Variants in CTBP2 observed in about 807,000 individuals in gnomAD.
CTBP2 encodes the protein C-terminal-binding protein 2.
Under a neutral mutation model 80.3 loss-of-function variants are expected in CTBP2, and 30 were observed. That is an observed-to-expected ratio of 0.37 (90% CI 0.28 to 0.51). The LOEUF (loss-of-function observed/expected upper bound fraction) is 0.51, where lower values mean the gene tolerates loss of function less well. Among genes scored for constraint, CTBP2 ranks in the 20% least tolerant of loss-of-function variants. CTBP2 has a pLI of 0.93. For missense variants in CTBP2, 1,212 were observed against 1,375.3 expected, an observed-to-expected ratio of 0.88 and a Z score of 1.88; for synonymous variants, 594 against 587.4, an observed-to-expected ratio of 1.01 and a Z score of -0.16.
chr10:125,038,957 A>AC, intron 3 of CTBP2, 40 bp downstream of exon 3: 1 of 1,600,448 alleles, frequency 6.2e-7, no homozygotes, highest in Non-Finnish European at 8.5e-7. Context: ...TGAGTGAGGG[A>AC]CTACGTATGT....
rs201365198 is a variant in CTBP2 at position 125,027,593 on chromosome 10, C to T, written c.167G>A (p.Arg56Gln). 2.8e-5 allele frequency: 45 copies of T among 1,613,920 alleles called. No individual in the cohort carries two copies. Among genetic ancestry groups the T allele is most frequent in the Middle Eastern group, 1.6e-4 (1 of 6,084 alleles). Residue 56 changes from arginine (R) to glutamine (Q), a missense_variant, in exon 1 of 9, where the codon CGA (arginine) becomes CAA (glutamine). Transcript: ENST00000309035. Reference sequence around the variant, plus strand: ...CACGGGCAGGGCAGCGTCCTGTGGTCGGTGGTTTGGCTCAAACCAAGTCCC... The same window carrying T: ...CACGGGCAGGGCAGCGTCCTGTGGTTGGTGGTTTGGCTCAAACCAAGTCCC...
At chr10:125,136,232 G>A (rs1044716805) in intron 1 of CTBP2, among the ~76,000 whole-genome samples, 26 of 152,192 alleles carry the variant, frequency 1.7e-4, no homozygotes, top group African/African-American at 6.0e-4. Flanking sequence ...AGCTGGGAGG[G>A]AGGCCCAGGC....
At chr10:125,139,446 A>T (rs1857453891) in intron 1 of CTBP2, among the ~76,000 whole-genome samples, 1 of 150,990 alleles carries the variant, frequency 6.6e-6, no homozygotes, top group African/African-American at 2.4e-5. Flanking sequence ...TATTTCTAAT[A>T]TTCTTGAATG....
At chr10:125,039,218 A>C (rs903436268) in intron 2 of CTBP2, 63 bp from the exon 3 acceptor site, 160 of 568,668 alleles carry the variant, frequency 2.8e-4, no homozygotes, top group East Asian at 4.0e-4. Context: ...ACAACAGCTC[A>C]CTGGGGACTT....
At chr10:125,083,055 G>T (rs1847418245) in intron 2 of CTBP2, among the ~76,000 whole-genome samples, 1 of 152,138 alleles carries the variant, frequency 6.6e-6, no homozygotes, top group Admixed American at 6.5e-5. Flanking sequence ...CATCTCTCTG[G>T]GGGGTTGGTC....
chr10:125,097,724 T>C (rs1232368986), intron 2 of CTBP2, among the ~76,000 whole-genome samples: 1 of 151,982 alleles, frequency 6.6e-6, no homozygotes, highest in African/African-American at 2.4e-5. Flanking sequence ...TTCAGATGAA[T>C]AGGTGAGGGG....
intron 1 of CTBP2, among the ~76,000 whole-genome samples, chr10:125,011,993 C>T (rs1316792313): frequency 6.6e-6 from 1 of 152,214 alleles, no homozygotes; most frequent in Non-Finnish European, 1.5e-5. Context: ...GTGCCATCCA[C>T]CCGGGGCAGA....
At chr10:125,009,334 G>A (rs958003391) in intron 1 of CTBP2, among the ~76,000 whole-genome samples, 5 of 152,156 alleles carry the variant, frequency 3.3e-5, no homozygotes, top group Non-Finnish European at 7.3e-5. Context: ...CTAAGCAGCC[G>A]GTGTGGCTCC....
chr10:125,012,336 C>T (rs541317793), intron 1 of CTBP2, among the ~76,000 whole-genome samples: 54 of 152,308 alleles, frequency 3.5e-4, no homozygotes, highest in African/African-American at 1.3e-3. Flanking sequence ...CCTCCTGCTT[C>T]CCAACACGGG....
rs1422824526 is a variant in CTBP2, at chr10:124,998,125, G to A, written c.2024C>T (p.Ala675Val). ...GAGGATGTGGCAGATGGTAGAGTCC[G>A]CTGTCTCTTCCACGGCTGCAGACGG... Residue 675 changes from alanine (A) to valine (V), a missense_variant, in exon 4 of 9, where the codon GCG (alanine) becomes GTG (valine). Coordinates refer to ENST00000309035, the MANE Select transcript of CTBP2 (RefSeq NM_022802.3). 4 of 1,611,740 alleles carry A rather than the reference G, an allele frequency of 2.5e-6. No homozygotes were observed. Among genetic ancestry groups the A allele is most frequent in the Admixed American group, 3.4e-5 (2 of 59,682 alleles).
chr10:125,157,560 C>T (rs11815494), intron 1 of CTBP2, among the ~76,000 whole-genome samples: 1 of 152,062 alleles, frequency 6.6e-6, no homozygotes, highest in Non-Finnish European at 1.5e-5. Context: ...ACTGGGGTCC[C>T]CTACCCCTGG....
chr10:125,036,684 T>TGTGA, intron 3 of CTBP2, among the ~76,000 whole-genome samples: 1 of 100,550 alleles, frequency 9.9e-6, no homozygotes, highest in East Asian at 2.2e-4. Flanking sequence ...TGTGTGTGTG[T>TGTGA]GTGTGTGTGT....
intron 1 of CTBP2, among the ~76,000 whole-genome samples, chr10:125,125,756 C>T (rs753105710): frequency 7.9e-5 from 12 of 152,144 alleles, no homozygotes; most frequent in African/African-American, 1.7e-4. Flanking sequence ...GTAGCAGAGA[C>T]GACATCCAGC....
intron 1 of CTBP2, among the ~76,000 whole-genome samples, chr10:125,127,361 C>T (rs1347815312): frequency 6.6e-6 from 1 of 152,210 alleles, no homozygotes; most frequent in East Asian, 1.9e-4. Context: ...CCACTGTCCA[C>T]CTGCACATCT....
rs1295217819 is a variant in CTBP2 at position 124,986,287 on chromosome 10, GCGCGCACACA to G, written c.*3221_*3230del. The stretch of plus-strand genomic sequence containing the variant: ...GGAAAGACGACACACGCACGCGCGC[GCGCGCACACA>G]CACACACACACACACACACACACAC... On this transcript the variant is annotated 3_prime_UTR_variant, in exon 9 of 9. Transcript: ENST00000309035. 22 of 73,094 alleles carry G rather than the reference GCGCGCACACA, an allele frequency of 3.0e-4. No individual in the cohort carries two copies. The highest frequency in any genetic ancestry group is 1.3e-3 in the Admixed American group (9 of 6,944). The allele number at this position is 73,094 out of a possible 1,614,324, so 4.5% of individuals were successfully genotyped here.
At chr10:125,138,591 C>G (rs932888763) in intron 1 of CTBP2, among the ~76,000 whole-genome samples, 1 of 151,306 alleles carries the variant, frequency 6.6e-6, no homozygotes, top group Non-Finnish European at 1.5e-5. Context: ...TTGGAAAGAG[C>G]CGCTGTAATC....
chr10:125,158,989 C>T (rs1486751467), intron 1 of CTBP2, among the ~76,000 whole-genome samples: 3 of 151,556 alleles, frequency 2.0e-5, no homozygotes, highest in South Asian at 2.1e-4. Flanking sequence ...CCCCAGGGCG[C>T]GGCGTGGGCT....
chr10:125,013,583 G>C (rs1956157828), intron 1 of CTBP2, among the ~76,000 whole-genome samples: 1 of 152,176 alleles, frequency 6.6e-6, no homozygotes, highest in African/African-American at 2.4e-5. Context: ...CATGACCATG[G>C]AATACAGCCT....
chr10:125,132,881 C>T (rs1426459919), intron 1 of CTBP2, among the ~76,000 whole-genome samples: 1 of 152,186 alleles, frequency 6.6e-6, no homozygotes, highest in African/African-American at 2.4e-5. Flanking sequence ...TTTCAATAAA[C>T]ACAAATCAAG....
Sources: allele counts gnomAD v4.1 joint callset (sites outside exome capture counted in the v4.1 genomes callset), GRCh38; gene constraint gnomAD v4.1.1; transcripts MANE v1.5; gene names NCBI Gene and HGNC (gene_info 2026-07-23, HGNC 2026-07-21).